KAT6B: variants seen among roughly 807,000 people sequenced by gnomAD.
The protein encoded by KAT6B is lysine acetyltransferase 6B.
KAT6B carries 10 observed loss-of-function variants against 187.5 expected under a neutral mutation model. The ratio of observed to expected loss-of-function variants is 0.05; its 90% CI spans 0.03 to 0.09. The LOEUF (loss-of-function observed/expected upper bound fraction) is 0.09. KAT6B is among the 10% of genes least tolerant of loss of function. The pLI, the probability that KAT6B is intolerant of heterozygous loss-of-function variation, is 1.00. For missense variants in KAT6B, 1,952 were observed against 2,558.9 expected (o/e 0.76, Z 5.12); for synonymous variants, 861 against 926.8 (o/e 0.93, Z 1.29).
intron 3 of KAT6B, among the ~76,000 whole-genome samples, chr10:74,946,262 G>A (rs1480244452): frequency 6.6e-6 from 1 of 151,976 alleles, no homozygotes; most frequent in Non-Finnish European, 1.5e-5. Context: ...CGTCTTAATG[G>A]TCTGTAGTTA....
chr10:74,935,412 T>A (rs1463684201), intron 3 of KAT6B, among the ~76,000 whole-genome samples: 1 of 151,814 alleles, frequency 6.6e-6, no homozygotes, highest in Non-Finnish European at 1.5e-5. Flanking sequence ...AGACAGAGTC[T>A]CGCTATGATG....
chr10:74,856,265 T>G (rs1054499648), intron 3 of KAT6B, among the ~76,000 whole-genome samples: 2 of 152,116 alleles, frequency 1.3e-5, no homozygotes, highest in African/African-American at 2.4e-5. Context: ...TTTTTTATTT[T>G]TAGTAGTGAT....
At chr10:74,978,144 G>A (rs1364776363) in intron 9 of KAT6B, among the ~76,000 whole-genome samples, 1 of 152,172 alleles carries the variant, frequency 6.6e-6, no homozygotes, top group Admixed American at 6.5e-5. Flanking sequence ...TTTTCTGTAG[G>A]CTCTTAACGC....
chr10:74,875,104 A>T (rs1844316586), intron 3 of KAT6B, among the ~76,000 whole-genome samples: 1 of 152,342 alleles, frequency 6.6e-6, no homozygotes, highest in Middle Eastern at 3.4e-3. Context: ...ATACATGTTT[A>T]AAAATATTTT....
intron 3 of KAT6B, among the ~76,000 whole-genome samples, chr10:74,932,613 T>A (rs1487766857): frequency 6.6e-6 from 1 of 152,256 alleles, no homozygotes; most frequent in East Asian, 1.9e-4. Context: ...ATGGGAAGTC[T>A]TGGGAGGGCC....
chr10:74,982,666 G>A (rs946747564), intron 11 of KAT6B: 1 of 152,546 alleles, frequency 6.6e-6, no homozygotes, highest in African/African-American at 2.4e-5. Context: ...TCTGTCTGCA[G>A]GGCTTTTCAC....
At chr10:74,912,210 C>T (rs1847261584) in intron 3 of KAT6B, among the ~76,000 whole-genome samples, 1 of 151,966 alleles carries the variant, frequency 6.6e-6, no homozygotes, top group Admixed American at 6.6e-5. Flanking sequence ...TGGCTTCCTC[C>T]TAAACATTTC....
At chr10:74,882,307 C>A (rs954591021) in intron 3 of KAT6B, among the ~76,000 whole-genome samples, 2 of 152,132 alleles carry the variant, frequency 1.3e-5, no homozygotes, top group African/African-American at 4.8e-5. Context: ...TTTATATTTT[C>A]TTGCATGTTT....
At chr10:74,895,760 G>A (rs1290441503) in intron 3 of KAT6B, among the ~76,000 whole-genome samples, 2 of 151,986 alleles carry the variant, frequency 1.3e-5, no homozygotes, top group African/African-American at 4.8e-5. Flanking sequence ...GGCTGGTCTC[G>A]AACTCTTGGG....
At chr10:74,980,860 T>G (rs1440785680) in intron 10 of KAT6B, among the ~76,000 whole-genome samples, 1 of 152,216 alleles carries the variant, frequency 6.6e-6, no homozygotes, top group African/African-American at 2.4e-5. Flanking sequence ...GTCTTTTGAT[T>G]TTCAGCCGTG....
At chr10:74,968,616 T>C (rs1023413553) in intron 4 of KAT6B, among the ~76,000 whole-genome samples, 3 of 152,212 alleles carry the variant, frequency 2.0e-5, no homozygotes, top group Admixed American at 1.3e-4. Flanking sequence ...GAATCTGCTT[T>C]TTTTTATTAC....
At position 74,887,058 on chromosome 10, in the gene KAT6B, G is replaced by A. The variant is rs148115253; in HGVS notation, c.621+43580G>A. 7.2e-5 allele frequency among the ~76,000 whole-genome samples: 11 copies of A among 152,318 alleles called. No homozygotes were observed. In the East Asian group the frequency reaches 1.5e-3, roughly 21 times the overall value. ...GGAGAAGAGCCAGCCTTTCTCCACC[G>A]TCTCTCTGGGGACAGGGGACTGTCT... is the stretch of plus-strand genomic sequence containing the variant. On this transcript the variant is annotated intron_variant, in intron 3 of 17. Coordinates refer to ENST00000287239, the MANE Select transcript of KAT6B (RefSeq NM_012330.4).
chr10:74,908,564 A>AG (rs769047972), intron 3 of KAT6B, among the ~76,000 whole-genome samples: 122 of 151,930 alleles, frequency 8.0e-4, no homozygotes, highest in Middle Eastern at 3.4e-3. Flanking sequence ...AAAAAAAAAA[A>AG]AAAGAAAGAG....
At chr10:74,967,276 G>A (rs1841544484) in intron 4 of KAT6B, among the ~76,000 whole-genome samples, 1 of 151,270 alleles carries the variant, frequency 6.6e-6, no homozygotes, top group South Asian at 2.1e-4. Context: ...CTTGCAGTGA[G>A]CCAAGATGAC....
chr10:75,006,537 C>A (rs1844214922), intron 13 of KAT6B, among the ~76,000 whole-genome samples: 1 of 152,138 alleles, frequency 6.6e-6, no homozygotes, highest in Non-Finnish European at 1.5e-5. Context: ...TGCAGCCTCA[C>A]CTCCTAGACT....
chr10:74,924,027 A>T (rs736086), intron 3 of KAT6B, among the ~76,000 whole-genome samples: 2 of 151,936 alleles, frequency 1.3e-5, no homozygotes, highest in Admixed American at 1.3e-4. Flanking sequence ...GAATTTGTTG[A>T]TGAACTTGAT....
intron 13 of KAT6B, among the ~76,000 whole-genome samples, chr10:75,000,011 C>T (rs904373017): frequency 2.6e-5 from 4 of 152,048 alleles, no homozygotes; most frequent in African/African-American, 9.7e-5. Context: ...CCCATTTCTA[C>T]TAAAAATACA....
At chr10:74,851,752 T>G (rs1215936701) in intron 3 of KAT6B, among the ~76,000 whole-genome samples, 7 of 152,224 alleles carry the variant, frequency 4.6e-5, no homozygotes, top group Admixed American at 4.6e-4. Context: ...CTGCCCCTTT[T>G]AGAGAGATAC....
intron 13 of KAT6B, among the ~76,000 whole-genome samples, chr10:74,990,773 C>T (rs1843083880): frequency 6.6e-6 from 1 of 152,158 alleles, no homozygotes; most frequent in South Asian, 2.1e-4. Flanking sequence ...AATATAGTTT[C>T]TGGTATGCAT....
Sources: gnomAD v4.1 joint callset for allele counts (sites outside exome capture counted in the v4.1 genomes callset) on GRCh38, gnomAD v4.1.1 for gene constraint, MANE v1.5 for transcripts, NCBI Gene and HGNC (gene_info 2026-07-23, HGNC 2026-07-21) for gene names.